The following SRP68 variants were observed in gnomAD, a reference collection of about 807,000 sequenced individuals.
SRP68 encodes the protein signal recognition particle 68, also known as signal recognition particle subunit SRP68.
In SRP68, 15 loss-of-function variants were observed where a neutral mutation model predicts 82.2. The ratio of observed to expected loss-of-function variants is 0.18; its 90% CI spans 0.12 to 0.28. SRP68 has a LOEUF of 0.28. SRP68 is among the 10% of genes least tolerant of loss of function. The pLI, the probability that SRP68 is intolerant of heterozygous loss-of-function variation, is 1.00. For synonymous variants in SRP68, 261 were observed against 292.6 expected (o/e 0.89, Z 1.10); for missense variants, 595 against 780.5 (o/e 0.76, Z 2.83).
chr17:76,070,850 G>GCGCACACACACACA (rs1555630319), intron 1 of SRP68, among the ~76,000 whole-genome samples: 2 of 146,780 alleles, frequency 1.4e-5, no homozygotes, highest in Non-Finnish European at 3.0e-5. Flanking sequence ...ACATGCACAT[G>GCGCACACACACACA]CACACACACA....
Position 76,070,453 on chromosome 17 carries a change from G to A in SRP68, c.185-9C>T, listed in dbSNP as rs1246556755. On this transcript the variant is annotated splice_polypyrimidine_tract_variant and intron_variant, in intron 1 of 15. Transcript: ENST00000307877. ...CTTAATAATCTGAAGAACTAGAGTC[G>A]AGATTAAGGAAAATCTTACCATAGC... 2.5e-6 allele frequency: 4 copies of A among 1,611,900 alleles called. No homozygotes were observed. The highest frequency in any genetic ancestry group is 2.7e-5 in the African/African-American group (2 of 74,856).
intron 8 of SRP68, among the ~76,000 whole-genome samples, chr17:76,055,309 G>T (rs1454102742): frequency 6.6e-6 from 1 of 151,520 alleles, no homozygotes; most frequent in Non-Finnish European, 1.5e-5. Context: ...CAATAGTTTT[G>T]GGGGAACAGG....
At chr17:76,052,049 AG>A (rs1173280722) in intron 8 of SRP68, among the ~76,000 whole-genome samples, 1 of 152,164 alleles carries the variant, frequency 6.6e-6, no homozygotes, top group African/African-American at 2.4e-5. Context: ...CTGGGACTAC[AG>A]GTGCCCGCCA....
At position 76,064,067 on chromosome 17, in the gene SRP68, G is replaced by A; in HGVS notation, c.470C>T (p.Ser157Phe). 1 of 1,614,238 alleles carries A rather than the reference G, an allele frequency of 6.2e-7. No individual in the cohort carries two copies. Among genetic ancestry groups the A allele is most frequent in the Non-Finnish European group, 8.5e-7 (1 of 1,180,050 alleles). ...ATGCTTCACGGCTTTGCGTAGGCGAGATAACAAGTGAAACCGTTTTCGGGG... is the reference window on the plus strand; with the variant it reads ...ATGCTTCACGGCTTTGCGTAGGCGAAATAACAAGTGAAACCGTTTTCGGGG... ...TEPRKRFHLL[S>F]RLRKAVKHAE... is the part of the protein sequence containing the mutation. Residue 157 changes from serine to phenylalanine, a missense_variant, in exon 4 of 16, where the codon TCT becomes TTT. Physicochemically the swap from Ser to Phe is radical, Grantham distance 155. Around this residue, in one of 2 missense-constraint regions of SRP68, gnomAD observed 495 missense variants for 688.6 expected, o/e 0.72. Transcript: ENST00000307877.
intron 8 of SRP68, among the ~76,000 whole-genome samples, chr17:76,050,777 A>T (rs2144497731): frequency 8.0e-6 from 1 of 124,736 alleles, no homozygotes; most frequent in South Asian, 2.4e-4. Flanking sequence ...TGTCTGCATA[A>T]CTGATCTGAG....
chr17:76,064,749 G>A (rs2066793957), intron 3 of SRP68, among the ~76,000 whole-genome samples: 1 of 151,088 alleles, frequency 6.6e-6, no homozygotes. Context: ...GCTGAGGCAG[G>A]AGTATCTCTT....
rs1311536065 is a variant in SRP68 at position 76,072,270 on chromosome 17, G to A, written c.184+38C>T. On this transcript the variant is annotated intron_variant, in intron 1 of 15. Coordinates refer to ENST00000307877, the MANE Select transcript of SRP68 (RefSeq NM_014230.4). The surrounding 1 kb of genome is among the most constrained non-coding windows in gnomAD (Gnocchi z 4.5). Reference sequence around the variant, plus strand: ...CGCCCCCAGCCCTCCAGTTCGACACGTAATCATTGCGAGTTAGGCCCGATT... The same window carrying A: ...CGCCCCCAGCCCTCCAGTTCGACACATAATCATTGCGAGTTAGGCCCGATT... 1 of 1,604,402 alleles carries A rather than the reference G, an allele frequency of 6.2e-7. No homozygotes were observed. Among genetic ancestry groups the A allele is most frequent in the Admixed American group, 1.7e-5 (1 of 58,618 alleles).
intron 14 of SRP68, 145 bp downstream of exon 14, chr17:76,040,758 A>G (rs1038123660): frequency 1.9e-5 from 15 of 779,492 alleles, no homozygotes; most frequent in Non-Finnish European, 2.8e-5. Flanking sequence ...TCTGATGCCC[A>G]GCTGGCACAA....
chr17:76,069,871 G>A (rs1399825795), intron 2 of SRP68, among the ~76,000 whole-genome samples: 6 of 151,774 alleles, frequency 4.0e-5, no homozygotes, highest in Non-Finnish European at 7.4e-5. Context: ...GAGGTCAGGA[G>A]TTTGAGACCA....
At chr17:76,068,564 T>C (rs2066825290) in intron 2 of SRP68, among the ~76,000 whole-genome samples, 1 of 151,508 alleles carries the variant, frequency 6.6e-6, no homozygotes, top group Non-Finnish European at 1.5e-5. Context: ...ACCAAACATA[T>C]GGAGAAAGAA....
chr17:76,041,985 G>A (rs373900178), intron 13 of SRP68, among the ~76,000 whole-genome samples: 13 of 152,110 alleles, frequency 8.5e-5, no homozygotes, highest in African/African-American at 2.9e-4. Flanking sequence ...CCGCGTTCAC[G>A]CCATTCTCCT....
At position 76,039,947 on chromosome 17, in the gene SRP68, C is replaced by A; in HGVS notation, c.1657-14G>T. The A allele has an allele frequency of 6.2e-7, 1 of 1,613,228 alleles. No individual in the cohort carries two copies. Among genetic ancestry groups the A allele is most frequent in the East Asian group, 2.2e-5 (1 of 44,884 alleles). ...TTCAACCAGAGGCTGGAAGTCAAATCAAAGAGACGTATGTAGCATCGGTCA... is the reference window on the plus strand; with the variant it reads ...TTCAACCAGAGGCTGGAAGTCAAATAAAAGAGACGTATGTAGCATCGGTCA... On this transcript the variant is annotated splice_polypyrimidine_tract_variant and intron_variant, in intron 15 of 15. Coordinates refer to ENST00000307877, the MANE Select transcript of SRP68 (RefSeq NM_014230.4).
rs775769675 is a variant in SRP68 at position 76,047,947 on chromosome 17, T to C, written c.1101A>G (p.Glu367=). ...GATTAGACACCTTCCCTGGCTCTCC[T>C]TCAAGGATATAATCTCTCTGTTTCT... ...PDQKQRDYIL[E]GEPGKVSNLQ... The change falls in exon 10 of 16, where the codon GAA becomes GAG. Residue 367 remains glutamate, a synonymous_variant. Coordinates refer to ENST00000307877, the MANE Select transcript of SRP68 (RefSeq NM_014230.4). 1.1e-5 allele frequency: 17 copies of C among 1,579,122 alleles called. No individual in the cohort carries two copies. The Admixed American group carries it at 1.4e-4, about 13-fold the overall frequency.
Position 76,040,943 on chromosome 17 carries a change from C to A in SRP68, c.1560G>T (p.Val520=). The A allele has an allele frequency of 6.2e-7, 1 of 1,614,062 alleles. No homozygotes were observed. ...LPDVQELITQ[V]RSEKCSLQAA... ...CCTGCAGGGAGCACTTCTCTGACCG[C>A]ACTTGAGTGATGAGCTCTTGCACAT... The change falls in exon 14 of 16, where the codon GTG becomes GTT. Residue 520 remains valine (V), a synonymous_variant. Coordinates refer to ENST00000307877, the MANE Select transcript of SRP68 (RefSeq NM_014230.4).
chr17:76,051,562 C>A (rs1332261747), intron 8 of SRP68, among the ~76,000 whole-genome samples: 3 of 152,092 alleles, frequency 2.0e-5, no homozygotes, highest in Non-Finnish European at 1.5e-5. Context: ...AACCCTTTTT[C>A]TTCTCTTAAG....
intron 8 of SRP68, chr17:76,053,513 C>T: frequency 1.0e-6 from 1 of 985,406 alleles, no homozygotes; most frequent in Non-Finnish European, 1.2e-6. Context: ...AACCTCTTGA[C>T]TGCCACGTAT....
At chr17:76,057,597 G>C in intron 7 of SRP68, 54 bp from the exon 8 acceptor site, 1 of 1,588,334 alleles carries the variant, frequency 6.3e-7, no homozygotes, top group Non-Finnish European at 8.6e-7. Flanking sequence ...GAGTGATGGA[G>C]GTGAAAATAA....
rs1471390473 is a variant in SRP68 at position 76,071,974 on chromosome 17, C to T, written c.184+334G>A. ...AGACTGCAGTTTCCTCTCCCCAGTT[C>T]AGTGGCTCAAGGTGCCAAAGCAAGG... On this transcript the variant is annotated intron_variant, in intron 1 of 15. Transcript: ENST00000307877. This position sits in a 1 kb window ranked among gnomAD's most constrained non-coding sequence, Gnocchi z 4.7. 1 of 436,006 alleles carries T rather than the reference C, an allele frequency of 2.3e-6. No homozygotes were observed. Among genetic ancestry groups the T allele is most frequent in the African/African-American group, 2.1e-5 (1 of 47,256 alleles). 27.0% of individuals were successfully genotyped at this position (436,006 alleles called of 1,614,324 possible). A position where few individuals can be genotyped will look rare whatever the true frequency, so the allele number is the denominator to read the frequency against.
chr17:76,051,363 T>C (rs563561148), intron 8 of SRP68, among the ~76,000 whole-genome samples: 1 of 152,352 alleles, frequency 6.6e-6, no homozygotes, highest in South Asian at 2.1e-4. Flanking sequence ...GATGAACCTG[T>C]GTGACTGGCA....
Sources: gnomAD v4.1 joint callset for allele counts (sites outside exome capture counted in the v4.1 genomes callset) on GRCh38, gnomAD v4.1.1 for gene constraint, gnomAD v4.1.1 regional missense constraint, Gnocchi (gnomAD v3.1) non-coding constraint, MANE v1.5 for transcripts, NCBI Gene and HGNC (gene_info 2026-07-23, HGNC 2026-07-21) for gene names.